The following PTPRD variants were observed in gnomAD, a reference collection of about 807,000 sequenced individuals.
The protein encoded by PTPRD is protein tyrosine phosphatase receptor type D.
A neutral mutation model predicts 214.5 loss-of-function variants in PTPRD; 34 were observed. That is an observed-to-expected ratio of 0.16 (90% confidence interval 0.12 to 0.21). PTPRD has a LOEUF of 0.21. Among genes scored for constraint, PTPRD ranks in the 10% least tolerant of loss-of-function variants. The pLI, the probability that PTPRD is intolerant of heterozygous loss-of-function variation, is 1.00. For missense variants in PTPRD, 2,545 were observed against 2,398.7 expected, an observed-to-expected ratio of 1.06 and a Z score of -1.27; for synonymous variants, 1,128 against 845.7, an observed-to-expected ratio of 1.33 and a Z score of -5.79.
chr9:10,024,961 C>T (rs1376656045), intron 4 of PTPRD, among the ~76,000 whole-genome samples: 1 of 151,820 alleles, frequency 6.6e-6, no homozygotes, highest in East Asian at 1.9e-4. Flanking sequence ...GACATGAACT[C>T]ATCATTTTTT....
chr9:8,943,094 C>T (rs1018564939), intron 11 of PTPRD, among the ~76,000 whole-genome samples: 1 of 151,894 alleles, frequency 6.6e-6, no homozygotes, highest in African/African-American at 2.4e-5. Context: ...AAAATCTCTA[C>T]AATGAAAACT....
chr9:9,498,050 T>C lies in PTPRD; in HGVS notation c.-237+76682A>G, dbSNP rs905947089. 2.9e-4 allele frequency among the ~76,000 whole-genome samples: 44 copies of C among 152,148 alleles called. 1 individual carries two copies. The highest frequency in any genetic ancestry group is 8.8e-5 in the Non-Finnish European group (6 of 68,002). On this transcript the variant is annotated intron_variant, in intron 8 of 45. Coordinates refer to ENST00000381196, the MANE Select transcript of PTPRD (RefSeq NM_002839.4). ...TCCCAGTTTTGCACATTCAAAGGGA[T>C]CTTTAAGTGTTTTAATTGGAATCCA...
intron 5 of PTPRD, among the ~76,000 whole-genome samples, chr9:9,914,761 T>G (rs2080218083): frequency 1.3e-5 from 2 of 152,168 alleles, no homozygotes; most frequent in African/African-American, 2.4e-5. Context: ...CAGCTGAGCC[T>G]GCTTGTGCTC....
intron 35 of PTPRD, among the ~76,000 whole-genome samples, chr9:8,424,630 A>G (rs891326632): frequency 2.4e-4 from 36 of 151,740 alleles, no homozygotes; most frequent in Admixed American, 1.2e-3. Context: ...TTAATACTAA[A>G]AAAATGATAT....
intron 5 of PTPRD, among the ~76,000 whole-genome samples, chr9:9,906,625 TC>T (rs1206290197): frequency 3.9e-5 from 6 of 151,974 alleles, no homozygotes; most frequent in Non-Finnish European, 8.8e-5. Context: ...CAAAGAGAAT[TC>T]ATTTATGATG....
At chr9:8,413,086 G>A (rs1349773793) in intron 35 of PTPRD, among the ~76,000 whole-genome samples, 8 of 152,146 alleles carry the variant, frequency 5.3e-5, no homozygotes, top group Non-Finnish European at 1.0e-4. Flanking sequence ...TTGAGCTTAA[G>A]TGATAACAGT....
chr9:10,587,336 G>C (rs949583789), intron 2 of PTPRD, among the ~76,000 whole-genome samples: 12 of 152,024 alleles, frequency 7.9e-5, no homozygotes, highest in African/African-American at 2.4e-4. Flanking sequence ...TCATTAACAA[G>C]TTCAATGGAC....
At chr9:9,064,717 GCA>G (rs1198190290) in intron 10 of PTPRD, among the ~76,000 whole-genome samples, 4 of 152,204 alleles carry the variant, frequency 2.6e-5, no homozygotes, top group African/African-American at 9.6e-5. Context: ...GTATGAAGTT[GCA>G]CAGTTAGTAT....
chr9:9,539,407 T>C (rs1000188411), intron 8 of PTPRD, among the ~76,000 whole-genome samples: 1 of 151,884 alleles, frequency 6.6e-6, no homozygotes, highest in Admixed American at 6.6e-5. Context: ...GACTTTTGTC[T>C]CTTGGACAAG....
intron 7 of PTPRD, among the ~76,000 whole-genome samples, chr9:9,626,181 TCTC>T (rs1209679027): frequency 6.6e-6 from 1 of 152,140 alleles, no homozygotes; most frequent in Non-Finnish European, 1.5e-5. Context: ...CCAGCCCCAC[TCTC>T]CACTAGACAG....
intron 10 of PTPRD, among the ~76,000 whole-genome samples, chr9:9,163,373 C>T (rs915898558): frequency 3.3e-5 from 5 of 152,058 alleles, no homozygotes; most frequent in Non-Finnish European, 5.9e-5. Context: ...TAATTGTCCT[C>T]TTGTGTTCTC....
chr9:10,061,432 C>T (rs564236200), intron 3 of PTPRD, among the ~76,000 whole-genome samples: 1 of 152,204 alleles, frequency 6.6e-6, no homozygotes, highest in Non-Finnish European at 1.5e-5. Flanking sequence ...CCAACAACAG[C>T]TCTCTCTTTC....
chr9:9,531,628 G>A (rs1025071414), intron 8 of PTPRD, among the ~76,000 whole-genome samples: 12 of 152,106 alleles, frequency 7.9e-5, no homozygotes, highest in East Asian at 1.9e-4. Flanking sequence ...AGTACTCCTC[G>A]CACAGATTAT....
intron 11 of PTPRD, among the ~76,000 whole-genome samples, chr9:8,954,385 T>C (rs2099120194): frequency 6.6e-6 from 1 of 151,828 alleles, no homozygotes; most frequent in Non-Finnish European, 1.5e-5. Flanking sequence ...ACCTACCTAT[T>C]GGGTATTATG....
chr9:8,420,261 G>T (rs2094262646), intron 35 of PTPRD, among the ~76,000 whole-genome samples: 1 of 152,152 alleles, frequency 6.6e-6, no homozygotes, highest in Non-Finnish European at 1.5e-5. Flanking sequence ...CTGGCACATT[G>T]TAAGAGCTTA....
rs564385301 is a variant in PTPRD at position 9,816,019 on chromosome 9, T to C, written c.-367-49168A>G. 7.2e-5 allele frequency among the ~76,000 whole-genome samples: 11 copies of C among 152,260 alleles called. 1 individual carries two copies. The South Asian group carries it at 2.3e-3, about 32-fold the overall frequency. On this transcript the variant is annotated intron_variant, in intron 5 of 45. Coordinates refer to ENST00000381196, the MANE Select transcript of PTPRD (RefSeq NM_002839.4). ...CACACTGAAGAAAGGGACATGCAGGTGTACTCAAGAGTCACTGCAAGGAAT... is the reference window on the plus strand; with the variant it reads ...CACACTGAAGAAAGGGACATGCAGGCGTACTCAAGAGTCACTGCAAGGAAT...
intron 2 of PTPRD, among the ~76,000 whole-genome samples, chr9:10,355,774 G>A (rs897626050): frequency 3.3e-5 from 5 of 152,088 alleles, no homozygotes; most frequent in East Asian, 1.9e-4. Flanking sequence ...CACCGCGGCC[G>A]GCCGCTGCTA....
intron 10 of PTPRD, among the ~76,000 whole-genome samples, chr9:9,053,801 T>C (rs1590652222): frequency 6.6e-6 from 1 of 152,134 alleles, no homozygotes; most frequent in African/African-American, 2.4e-5. Flanking sequence ...GCAGGCTAGG[T>C]TTTTTGGCAG....
At chr9:8,318,642 G>C (rs572413059) in intron 45 of PTPRD, among the ~76,000 whole-genome samples, 1 of 151,956 alleles carries the variant, frequency 6.6e-6, no homozygotes, top group Non-Finnish European at 1.5e-5. Flanking sequence ...GGCTTCACAG[G>C]ACTGGCTGCC....
Sources: gnomAD v4.1 joint callset for allele counts (sites outside exome capture counted in the v4.1 genomes callset) on GRCh38, gnomAD v4.1.1 for gene constraint, MANE v1.5 for transcripts, NCBI Gene and HGNC (gene_info 2026-07-23, HGNC 2026-07-21) for gene names.